Variants in TNNI3K observed in about 807,000 individuals in gnomAD.
TNNI3K encodes the protein serine/threonine-protein kinase TNNI3K.
Under a neutral mutation model 114.5 loss-of-function variants are expected in TNNI3K, and 140 were observed. The ratio of observed to expected loss-of-function variants is 1.22; its 90% CI spans 1.07 to 1.41. The LOEUF is 1.41. Ranked by LOEUF, TNNI3K falls within the 40% of genes most tolerant of loss-of-function variation. The pLI is 0.00. For missense variants in TNNI3K, 1,125 were observed against 1,007.6 expected, an observed-to-expected ratio of 1.12 and a Z score of -1.58; for synonymous variants, 347 against 347.5, an observed-to-expected ratio of 1.00 and a Z score of 0.02.
rs536976311 is a variant in TNNI3K at position 74,241,751 on chromosome 1, G to C, written c.149+5541G>C. The stretch of plus-strand genomic sequence containing the variant: ...TGCCTGTTCACTCTGATGGTAGTTT[G>C]TTTTGCTGTGCAGAAGCTCTTTAGT... On this transcript the variant is annotated intron_variant, in intron 2 of 24. Coordinates refer to ENST00000326637, the MANE Select transcript of TNNI3K (RefSeq NM_015978.3). Among the ~76,000 whole-genome samples, 472 of 151,430 alleles carry C rather than the reference G, an allele frequency of 3.1e-3. 3 individuals are homozygous for C. The highest frequency in any genetic ancestry group is 5.6e-3 in the Non-Finnish European group (382 of 67,840).
intron 4 of TNNI3K, among the ~76,000 whole-genome samples, chr1:74,270,834 T>A (rs1352864319): frequency 6.6e-6 from 1 of 151,702 alleles, no homozygotes; most frequent in Non-Finnish European, 1.5e-5. Context: ...AAAACAAAAT[T>A]ACATATTGAA....
intron 17 of TNNI3K, among the ~76,000 whole-genome samples, chr1:74,434,515 T>G (rs1666036173): frequency 6.6e-6 from 1 of 151,896 alleles, no homozygotes; most frequent in African/African-American, 2.4e-5. Flanking sequence ...ACTTACTAAC[T>G]GACTGTTCTT....
At chr1:74,262,709 G>T (rs1037113788) in intron 4 of TNNI3K, among the ~76,000 whole-genome samples, 1 of 152,018 alleles carries the variant, frequency 6.6e-6, no homozygotes, top group African/African-American at 2.4e-5. Flanking sequence ...TTTATATGCA[G>T]ATTTCCCTTT....
chr1:74,539,294 A>G (rs1236591078), intron 23 of TNNI3K, among the ~76,000 whole-genome samples: 32 of 152,174 alleles, frequency 2.1e-4, no homozygotes, highest in Non-Finnish European at 1.5e-5. Context: ...TGGTAACTGA[A>G]ATGGAAAGAA....
intron 17 of TNNI3K, among the ~76,000 whole-genome samples, chr1:74,392,551 A>C (rs1209257542): frequency 6.6e-6 from 1 of 152,160 alleles, no homozygotes; most frequent in Non-Finnish European, 1.5e-5. Flanking sequence ...CAGTAACCCT[A>C]CTGCTTTAGA....
At chr1:74,497,363 G>A (rs775643669) in intron 23 of TNNI3K, among the ~76,000 whole-genome samples, 1 of 151,772 alleles carries the variant, frequency 6.6e-6, no homozygotes, top group Non-Finnish European at 1.5e-5. Flanking sequence ...ACTCTTTTTT[G>A]TACTAAAATT....
intron 20 of TNNI3K, among the ~76,000 whole-genome samples, chr1:74,451,017 A>G (rs905851106): frequency 1.3e-5 from 2 of 152,246 alleles, no homozygotes; most frequent in Non-Finnish European, 2.9e-5. Context: ...CATCAATTAT[A>G]GATTGGATAA....
chr1:74,317,611 T>C (rs1659384604), intron 5 of TNNI3K, among the ~76,000 whole-genome samples: 1 of 152,084 alleles, frequency 6.6e-6, no homozygotes, highest in Non-Finnish European at 1.5e-5. Context: ...CTAGAGAAAA[T>C]GGCCAGGGAC....
intron 20 of TNNI3K, among the ~76,000 whole-genome samples, chr1:74,450,451 T>A (rs1666937489): frequency 6.6e-6 from 1 of 151,982 alleles, no homozygotes; most frequent in Non-Finnish European, 1.5e-5. Context: ...AAAGAAGCTA[T>A]CGTCAGAGTG....
chr1:74,432,547 T>G (rs181256894), intron 17 of TNNI3K, among the ~76,000 whole-genome samples: 2 of 152,138 alleles, frequency 1.3e-5, no homozygotes, highest in Non-Finnish European at 2.9e-5. Flanking sequence ...TTGCAGTGAT[T>G]ATGCTTCCTT....
intron 23 of TNNI3K, among the ~76,000 whole-genome samples, chr1:74,500,461 G>T (rs999614847): frequency 1.3e-5 from 2 of 150,808 alleles, no homozygotes; most frequent in African/African-American, 4.9e-5. Flanking sequence ...AAAATTAGCC[G>T]GGCGTAGTGG....
At chr1:74,382,385 G>A (rs45580539) in intron 17 of TNNI3K, among the ~76,000 whole-genome samples, 12,514 of 152,228 alleles carry the variant, frequency 0.082, 819 homozygotes, top group African/African-American at 0.18. Flanking sequence ...GAAAGATTCT[G>A]CAAGAGATAT....
chr1:74,540,326 A>G lies in TNNI3K; in HGVS notation c.2431+13A>G, dbSNP rs772302447. The G allele has an allele frequency of 6.2e-6, 10 of 1,609,852 alleles. No homozygotes were observed. The East Asian group carries it at 2.0e-4, about 32-fold the overall frequency. Reference sequence around the variant, plus strand: ...ATTGACAAATATGGTAAGTAGGCAGATTCTTTAGGTTTGTTAAGAAAACTA... The same window carrying G: ...ATTGACAAATATGGTAAGTAGGCAGGTTCTTTAGGTTTGTTAAGAAAACTA... On this transcript the variant is annotated intron_variant, in intron 24 of 24. Coordinates refer to ENST00000326637, the MANE Select transcript of TNNI3K (RefSeq NM_015978.3).
At chr1:74,316,045 C>A (rs1659286654) in intron 5 of TNNI3K, among the ~76,000 whole-genome samples, 1 of 152,164 alleles carries the variant, frequency 6.6e-6, no homozygotes, top group Non-Finnish European at 1.5e-5. Context: ...TTCACTGATT[C>A]TTTTACACAA....
chr1:74,509,703 A>AAGGTACCT (rs1189170273), intron 23 of TNNI3K, among the ~76,000 whole-genome samples: 1 of 148,904 alleles, frequency 6.7e-6, no homozygotes, highest in Non-Finnish European at 1.5e-5. Flanking sequence ...TTGATTTTGA[A>AAGGTACCT]AGGTACCTAT....
chr1:74,396,342 ACCCTCTTAGAGAAGT>A (rs1223570497), intron 17 of TNNI3K, among the ~76,000 whole-genome samples: 5 of 152,166 alleles, frequency 3.3e-5, no homozygotes, highest in African/African-American at 1.2e-4. Context: ...TCTAACAGGT[ACCCTCTTAGAGAAGT>A]CCCTGTGGGA....
At chr1:74,474,899 GT>G in intron 21 of TNNI3K, among the ~76,000 whole-genome samples, 1 of 152,168 alleles carries the variant, frequency 6.6e-6, no homozygotes, top group African/African-American at 2.4e-5. Context: ...CTCTGGGAAG[GT>G]TGCTTACTGC....
chr1:74,527,887 G>A (rs1307529169), intron 23 of TNNI3K, among the ~76,000 whole-genome samples: 3 of 152,186 alleles, frequency 2.0e-5, no homozygotes, highest in South Asian at 4.1e-4. Context: ...TCTATGTGGT[G>A]GATGGGAGTG....
At chr1:74,418,090 C>G (rs778856205) in intron 17 of TNNI3K, 3 of 404,594 alleles carry the variant, frequency 7.4e-6, no homozygotes, top group Non-Finnish European at 1.5e-5. Flanking sequence ...AATGGAAATA[C>G]AAGTAAACAT....
Sources: gnomAD v4.1 joint callset for allele counts (sites outside exome capture counted in the v4.1 genomes callset) on GRCh38, gnomAD v4.1.1 for gene constraint, MANE v1.5 for transcripts, NCBI Gene and HGNC (gene_info 2026-07-23, HGNC 2026-07-21) for gene names.